Variants in SETBP1 observed in about 807,000 individuals in gnomAD.
The protein encoded by SETBP1 is SET-binding protein.
A neutral mutation model predicts 101.0 loss-of-function variants in SETBP1; 9 were observed. That is an observed-to-expected ratio of 0.09 (90% CI 0.05 to 0.16). The LOEUF (loss-of-function observed/expected upper bound fraction) is 0.16. Among genes scored for constraint, SETBP1 ranks in the 10% least tolerant of loss-of-function variants. SETBP1 has a pLI of 1.00. For synonymous variants in SETBP1, 818 were observed against 788.5 expected (o/e 1.04, Z -0.63); for missense variants, 1,858 against 2,033.8 (o/e 0.91, Z 1.66).
intron 2 of SETBP1, among the ~76,000 whole-genome samples, chr18:44,708,685 A>T (rs1249325677): frequency 6.6e-6 from 1 of 152,126 alleles, no homozygotes; most frequent in Non-Finnish European, 1.5e-5. Flanking sequence ...ACTCACAATC[A>T]CATTCGGCCA....
intron 5 of SETBP1, among the ~76,000 whole-genome samples, chr18:45,061,670 A>G (rs117766894): frequency 5.9e-3 from 898 of 152,272 alleles, no homozygotes; most frequent in Non-Finnish European, 9.3e-3. Context: ...ATGAGAGAGA[A>G]ATGGGACAAA....
intron 4 of SETBP1, among the ~76,000 whole-genome samples, chr18:45,037,989 C>T (rs1251105536): frequency 6.6e-6 from 1 of 152,198 alleles, no homozygotes; most frequent in Non-Finnish European, 1.5e-5. Context: ...ATCTCTCCAT[C>T]CTTAGAACTC....
At chr18:44,973,775 A>G (rs898677734) in intron 4 of SETBP1, among the ~76,000 whole-genome samples, 2 of 152,188 alleles carry the variant, frequency 1.3e-5, no homozygotes, top group African/African-American at 4.8e-5. Flanking sequence ...ATGTGCAGGG[A>G]TAGCCGCGGT....
intron 5 of SETBP1, among the ~76,000 whole-genome samples, chr18:45,054,283 G>T (rs1406686881): frequency 2.6e-5 from 4 of 152,072 alleles, no homozygotes; most frequent in African/African-American, 9.7e-5. Context: ...CGCCTCCAGG[G>T]TTCAAGTGAT....
intron 2 of SETBP1, among the ~76,000 whole-genome samples, chr18:44,736,892 G>T (rs930084965): frequency 1.3e-5 from 2 of 152,134 alleles, no homozygotes; most frequent in Non-Finnish European, 1.5e-5. Flanking sequence ...TCTCCATTGT[G>T]CCCCAGGCAA....
At position 44,836,061 on chromosome 18, in the gene SETBP1, C is replaced by T. The variant is rs115142752; in HGVS notation, c.487-33169C>T. Among the ~76,000 whole-genome samples the T allele has an allele frequency of 2.0e-3, 310 of 152,084 alleles. 1 individual carries two copies. The highest frequency in any genetic ancestry group is 6.8e-3 in the African/African-American group (284 of 41,506). ...CGGACAACGATCCTGTCCATTGGAA[C>T]GATACTTTGAACTTTTCAGAGTGCA... On this transcript the variant is annotated intron_variant, in intron 2 of 5. Transcript: ENST00000649279.
At chr18:44,833,878 G>T (rs916267423) in intron 2 of SETBP1, among the ~76,000 whole-genome samples, 1 of 152,200 alleles carries the variant, frequency 6.6e-6, no homozygotes, top group Non-Finnish European at 1.5e-5. Context: ...ATGTTCTTTT[G>T]TTAAACAAAT....
intron 2 of SETBP1, among the ~76,000 whole-genome samples, chr18:44,753,777 CA>C (rs1043178365): frequency 6.6e-6 from 1 of 152,004 alleles, no homozygotes; most frequent in Admixed American, 6.6e-5. Flanking sequence ...CCAGTGACAG[CA>C]GGGTGAGGGA....
chr18:44,776,252 G>A (rs774259639), intron 2 of SETBP1, among the ~76,000 whole-genome samples: 5 of 151,966 alleles, frequency 3.3e-5, no homozygotes, highest in Admixed American at 1.3e-4. Context: ...GCTCCACCGC[G>A]CACCCAACCC....
chr18:44,692,509 T>C (rs2068950915), intron 1 of SETBP1, among the ~76,000 whole-genome samples: 1 of 152,236 alleles, frequency 6.6e-6, no homozygotes, highest in African/African-American at 2.4e-5. Flanking sequence ...GTGTTCTCTA[T>C]GCTTCCAGCT....
intron 2 of SETBP1, among the ~76,000 whole-genome samples, chr18:44,728,927 A>G (rs2069772130): frequency 6.6e-6 from 1 of 152,266 alleles, no homozygotes; most frequent in Non-Finnish European, 1.5e-5. Flanking sequence ...GAATGCAGCT[A>G]AGAACTAACT....
chr18:44,899,911 C>T (rs1219455693), intron 3 of SETBP1, among the ~76,000 whole-genome samples: 2 of 152,148 alleles, frequency 1.3e-5, no homozygotes, highest in African/African-American at 4.8e-5. Context: ...CCAACTTTTT[C>T]TATAATAGGC....
chr18:45,047,164 T>C (rs1416799466), intron 5 of SETBP1, among the ~76,000 whole-genome samples: 4 of 152,160 alleles, frequency 2.6e-5, no homozygotes, highest in Admixed American at 6.5e-5. Flanking sequence ...CACACCTCCA[T>C]TGAAGCCCAG....
chr18:44,777,906 A>G (rs1454802279), intron 2 of SETBP1, among the ~76,000 whole-genome samples: 2 of 152,196 alleles, frequency 1.3e-5, no homozygotes, highest in East Asian at 3.8e-4. Context: ...TTCTGTGCAA[A>G]AGCAGAGACG....
chr18:44,786,684 G>A (rs1217669347), intron 2 of SETBP1, among the ~76,000 whole-genome samples: 3 of 152,130 alleles, frequency 2.0e-5, no homozygotes, highest in Admixed American at 6.5e-5. Flanking sequence ...AAACTGCCCC[G>A]ACAGAAAGAA....
chr18:45,020,780 A>G (rs1015671562), intron 4 of SETBP1, among the ~76,000 whole-genome samples: 3 of 152,196 alleles, frequency 2.0e-5, no homozygotes, highest in African/African-American at 4.8e-5. Context: ...TCACCTCTGT[A>G]TGGAGATGCT....
intron 4 of SETBP1, among the ~76,000 whole-genome samples, chr18:44,990,927 GAAAAAA>G (rs996043221): frequency 2.2e-4 from 14 of 63,188 alleles, no homozygotes; most frequent in South Asian, 5.1e-4. Context: ...CAGAGAGAGA[GAAAAAA>G]AAAAAAAAAA....
chr18:44,769,886 A>G (rs1245367345), intron 2 of SETBP1, among the ~76,000 whole-genome samples: 5 of 152,190 alleles, frequency 3.3e-5, no homozygotes, highest in Admixed American at 2.6e-4. Context: ...CCCATGTGCC[A>G]TCTAGACCAT....
At chr18:44,852,724 T>C (rs1382095678) in intron 2 of SETBP1, among the ~76,000 whole-genome samples, 1 of 152,188 alleles carries the variant, frequency 6.6e-6, no homozygotes, top group East Asian at 1.9e-4. Flanking sequence ...CCTGGGTGCC[T>C]TTGATACCCA....
Sources: gnomAD v4.1 joint callset for allele counts (sites outside exome capture counted in the v4.1 genomes callset) on GRCh38, gnomAD v4.1.1 for gene constraint, MANE v1.5 for transcripts, NCBI Gene and HGNC (gene_info 2026-07-23, HGNC 2026-07-21) for gene names.